Variants in LARGE1 observed in about 807,000 individuals in gnomAD.
LARGE1 encodes the protein xylosyl- and glucuronyltransferase LARGE1.
A neutral mutation model predicts 87.6 loss-of-function variants in LARGE1; 43 were observed. The ratio of observed to expected loss-of-function variants is 0.49; its 90% CI spans 0.38 to 0.63. LARGE1 has a LOEUF of 0.63. LARGE1 is among the 30% of genes least tolerant of loss of function. The pLI, the probability that LARGE1 is intolerant of heterozygous loss-of-function variation, is 0.00. For synonymous variants in LARGE1, 434 were observed against 394.6 expected, an observed-to-expected ratio of 1.10 and a Z score of -1.18; for missense variants, 802 against 1,000.2, an observed-to-expected ratio of 0.80 and a Z score of 2.67.
chr22:33,651,225 C>CAAAAAAAAAAAAAATAAAAAAAAAA (rs2080796453), intron 2 of LARGE1, among the ~76,000 whole-genome samples: 1 of 56,574 alleles, frequency 1.8e-5, no homozygotes, highest in Admixed American at 1.5e-4. Context: ...ACTAAAAATA[C>CAAAAAAAAAAAAAATAAAAAAAAAA]AAAAAAAAAA....
chr22:33,710,500 C>A (rs905988243), intron 2 of LARGE1, among the ~76,000 whole-genome samples: 1 of 152,210 alleles, frequency 6.6e-6, no homozygotes, highest in African/African-American at 2.4e-5. Flanking sequence ...AAAGGAACAA[C>A]TCGTCCCTGG....
At chr22:33,655,899 A>T (rs566846171) in intron 2 of LARGE1, among the ~76,000 whole-genome samples, 11 of 152,354 alleles carry the variant, frequency 7.2e-5, no homozygotes, top group African/African-American at 2.6e-4. Context: ...AAAAGCAAAC[A>T]AATCAAGTAG....
chr22:33,835,871 CA>C (rs1203731167), intron 1 of LARGE1, among the ~76,000 whole-genome samples: 1 of 152,156 alleles, frequency 6.6e-6, no homozygotes, highest in South Asian at 2.1e-4. Flanking sequence ...GAAAAAGATC[CA>C]GATGAAGCCA....
At chr22:33,103,875 G>A in the LARGE1 span, among the ~76,000 whole-genome samples, 2 of 152,112 alleles carry the variant, frequency 1.3e-5, no homozygotes, top group Non-Finnish European at 2.9e-5. Flanking sequence ...TATGTCTCAC[G>A]AGATCTGATG....
intron 1 of LARGE1, among the ~76,000 whole-genome samples, chr22:33,764,497 C>T (rs1337638309): frequency 6.6e-6 from 1 of 152,154 alleles, no homozygotes; most frequent in Admixed American, 6.5e-5. Flanking sequence ...GTGGCTCATG[C>T]CTGTAATCCC....
the LARGE1 span, among the ~76,000 whole-genome samples, chr22:33,148,674 G>A: frequency 6.6e-6 from 1 of 151,900 alleles, no homozygotes; most frequent in Admixed American, 6.6e-5. Context: ...TTCAAAATTG[G>A]CTGTATTATT....
chr22:33,205,948 C>CTTTTTTTTTTTTT (rs386395258), intron 11 of LARGE1, among the ~76,000 whole-genome samples: 2 of 84,988 alleles, frequency 2.4e-5, no homozygotes, highest in African/African-American at 4.7e-5. Context: ...CATGCTAATT[C>CTTTTTTTTTTTTT]TTTTTTTTTT....
intron 1 of LARGE1, among the ~76,000 whole-genome samples, chr22:33,862,191 C>T (rs141640744): frequency 6.6e-6 from 1 of 152,108 alleles, no homozygotes; most frequent in South Asian, 2.1e-4. Flanking sequence ...CAGACAAATC[C>T]TCTGTCCTCG....
intron 2 of LARGE1, among the ~76,000 whole-genome samples, chr22:33,665,015 C>T (rs368888770): frequency 6.6e-6 from 1 of 152,188 alleles, no homozygotes; most frequent in African/African-American, 2.4e-5. Context: ...CCAGCCATGC[C>T]GGCCTGGCAT....
intron 2 of LARGE1, 53 bp from the exon 3 acceptor site, chr22:33,650,721 C>A (rs1171569466): frequency 6.3e-7 from 1 of 1,588,610 alleles, no homozygotes; most frequent in African/African-American, 1.3e-5. Flanking sequence ...ATGCCTCAAG[C>A]CCCTCCAAGT....
intron 6 of LARGE1, among the ~76,000 whole-genome samples, chr22:33,462,337 A>G (rs532033467): frequency 2.0e-5 from 3 of 152,338 alleles, no homozygotes; most frequent in African/African-American, 7.2e-5. Context: ...CAGATAATAA[A>G]AAACAGATGC....
chr22:33,322,362 T>C (rs1209583374), intron 10 of LARGE1: 1 of 152,266 alleles, frequency 6.6e-6, no homozygotes, highest in Non-Finnish European at 1.5e-5. Flanking sequence ...GGCTTCTTTA[T>C]ACTTTTCTGT....
rs746650831 is a variant in LARGE1, at chr22:33,761,365, T to G, written c.106+6A>C. 1.1e-5 allele frequency: 18 copies of G among 1,609,990 alleles called. No homozygotes were observed. The highest frequency in any genetic ancestry group is 1.5e-5 in the Non-Finnish European group (18 of 1,176,374). ...CCTTCCCTCTCACTTTGGCTTCCAT[T>G]CTTACCTTCGAAGCTCCCAGAAAAC... On this transcript the variant is annotated splice_donor_region_variant and intron_variant, in intron 2 of 14. Coordinates refer to ENST00000397394, the MANE Select transcript of LARGE1 (RefSeq NM_133642.5).
chr22:33,761,139 T>C (rs2084715051), intron 2 of LARGE1, among the ~76,000 whole-genome samples: 2 of 152,000 alleles, frequency 1.3e-5, no homozygotes, highest in Admixed American at 1.3e-4. Context: ...GACATTTCTG[T>C]ACCCACCACA....
intron 6 of LARGE1, among the ~76,000 whole-genome samples, chr22:33,504,768 T>C (rs1418992095): frequency 6.6e-6 from 1 of 152,148 alleles, no homozygotes; most frequent in African/African-American, 2.4e-5. Context: ...TAGGAAGCAT[T>C]AGTCTCACAG....
intron 2 of LARGE1, among the ~76,000 whole-genome samples, chr22:33,757,496 C>A (rs5754658): frequency 1.3e-5 from 2 of 152,168 alleles, no homozygotes; most frequent in African/African-American, 4.8e-5. Context: ...TCCAGCTCCT[C>A]TGGCTGAGGT....
chr22:33,222,666 A>G (rs1925515792), intron 11 of LARGE1, among the ~76,000 whole-genome samples: 1 of 152,242 alleles, frequency 6.6e-6, no homozygotes, highest in African/African-American at 2.4e-5. Flanking sequence ...CCACAAGCCC[A>G]GGAACCCTAG....
At chr22:33,838,654 T>C (rs1002801096) in intron 1 of LARGE1, among the ~76,000 whole-genome samples, 7 of 152,158 alleles carry the variant, frequency 4.6e-5, no homozygotes, top group African/African-American at 1.7e-4. Flanking sequence ...ATAATTGTCC[T>C]TTAGCGATTT....
chr22:33,301,586 G>T (rs1417382370), intron 12 of LARGE1, among the ~76,000 whole-genome samples: 1 of 152,232 alleles, frequency 6.6e-6, no homozygotes, highest in East Asian at 1.9e-4. Flanking sequence ...GCACGATTGT[G>T]TGGAGAGACG....
Sources: allele counts gnomAD v4.1 joint callset (sites outside exome capture counted in the v4.1 genomes callset), GRCh38; gene constraint gnomAD v4.1.1; transcripts MANE v1.5; gene names NCBI Gene and HGNC (gene_info 2026-07-23, HGNC 2026-07-21).